Variants in NRXN1 observed in about 807,000 individuals in gnomAD.
The protein encoded by NRXN1 is neurexin 1, also known as neurexin-1.
In NRXN1, 39 loss-of-function variants were observed where a neutral mutation model predicts 150.9. That is an observed-to-expected ratio of 0.26 (90% CI 0.20 to 0.34). The LOEUF (loss-of-function observed/expected upper bound fraction) is 0.34, where lower values mean the gene tolerates loss of function less well. Ranked by LOEUF, NRXN1 falls within the 10% of genes least tolerant of loss-of-function variation. NRXN1 has a pLI of 1.00. For missense variants in NRXN1, 1,815 were observed against 1,949.9 expected (o/e 0.93, Z 1.30); for synonymous variants, 924 against 757.0 (o/e 1.22, Z -3.62).
chr2:50,633,498 G>A (rs921755086), intron 5 of NRXN1, among the ~76,000 whole-genome samples: 5 of 151,420 alleles, frequency 3.3e-5, no homozygotes, highest in African/African-American at 9.7e-5. Context: ...GCTTGACCAA[G>A]GCTTTTTGGT....
In NRXN1 at chr2:51,028,496, C is replaced by G; in HGVS notation, c.-223G>C. The stretch of plus-strand genomic sequence containing the variant: ...CCTCTTCCAACTGGAAAACGTTGAC[C>G]CCAGTGGTACAGGGTAGCCACAGAA... On this transcript the variant is annotated 5_prime_UTR_variant, in exon 2 of 23. Coordinates refer to ENST00000401669, the MANE Select transcript of NRXN1 (RefSeq NM_001330078.2). 1 of 421,496 alleles carries G rather than the reference C, an allele frequency of 2.4e-6. No homozygotes were observed. The highest frequency in any genetic ancestry group is 4.2e-6 in the Non-Finnish European group (1 of 238,880). 26.1% of individuals were successfully genotyped at this position (421,496 alleles called of 1,614,324 possible).
intron 17 of NRXN1, among the ~76,000 whole-genome samples, chr2:50,371,904 T>C (rs146031307): frequency 1.2e-3 from 190 of 152,176 alleles, no homozygotes; most frequent in African/African-American, 4.4e-3. Context: ...TATCTTAAGA[T>C]AATTGATAAC....
chr2:50,154,018 T>G (rs1178190264), intron 18 of NRXN1, among the ~76,000 whole-genome samples: 2 of 151,824 alleles, frequency 1.3e-5, no homozygotes, highest in East Asian at 3.9e-4. Context: ...TAACCATAAT[T>G]TATCATCCAA....
At chr2:50,448,113 G>T (rs2086623755) in intron 17 of NRXN1, among the ~76,000 whole-genome samples, 2 of 151,886 alleles carry the variant, frequency 1.3e-5, no homozygotes, top group Non-Finnish European at 2.9e-5. Flanking sequence ...AGGGGAAGGT[G>T]AAAAATCTAA....
chr2:50,844,202 T>C (rs963529629), intron 5 of NRXN1, among the ~76,000 whole-genome samples: 1 of 152,168 alleles, frequency 6.6e-6, no homozygotes, highest in African/African-American at 2.4e-5. Flanking sequence ...TCCTAGCACA[T>C]AAGTCCTTCC....
chr2:50,059,317 C>T (rs116394631), intron 19 of NRXN1, among the ~76,000 whole-genome samples: 1,805 of 152,288 alleles, frequency 0.012, 44 homozygotes, highest in African/African-American at 0.042. Flanking sequence ...TTTAGAGTAT[C>T]TGGTGAAAGA....
At chr2:49,945,231 A>ATATT (rs1672682866) in intron 21 of NRXN1, 2 of 152,024 alleles carry the variant, frequency 1.3e-5, no homozygotes, top group African/African-American at 4.8e-5. Flanking sequence ...GAAGGTGAAA[A>ATATT]TATTGGTTTG....
At chr2:50,639,522 C>A (rs947523308) in intron 5 of NRXN1, among the ~76,000 whole-genome samples, 1 of 151,826 alleles carries the variant, frequency 6.6e-6, no homozygotes, top group Non-Finnish European at 1.5e-5. Flanking sequence ...TGCCCGGACA[C>A]TTTTCTGCAT....
intron 21 of NRXN1, among the ~76,000 whole-genome samples, chr2:49,957,756 C>T (rs774306572): frequency 6.6e-6 from 1 of 152,090 alleles, no homozygotes; most frequent in African/African-American, 2.4e-5. Flanking sequence ...CCTAAATTGG[C>T]ATGGTCAGGT....
At chr2:50,160,615 A>C (rs987852888) in intron 18 of NRXN1, among the ~76,000 whole-genome samples, 1 of 152,234 alleles carries the variant, frequency 6.6e-6, no homozygotes, top group East Asian at 1.9e-4. Flanking sequence ...ATAATAAGAA[A>C]ATGTGAGTAG....
chr2:50,816,010 G>A (rs558356790), intron 5 of NRXN1, among the ~76,000 whole-genome samples: 9 of 152,142 alleles, frequency 5.9e-5, no homozygotes, highest in South Asian at 2.1e-4. Flanking sequence ...ACCTCAACTC[G>A]TAAACAAACA....
At chr2:50,781,999 C>T (rs542950020) in intron 5 of NRXN1, among the ~76,000 whole-genome samples, 25 of 152,182 alleles carry the variant, frequency 1.6e-4, no homozygotes, top group Non-Finnish European at 3.2e-4. Context: ...TTACTATCAC[C>T]GAAAAATAAG....
At chr2:50,369,898 T>C (rs36062178) in intron 17 of NRXN1, among the ~76,000 whole-genome samples, 33,439 of 151,870 alleles carry the variant, frequency 0.22, 4,153 homozygotes, top group East Asian at 0.43. Context: ...GAGGAGACTG[T>C]AGTGTGAACT....
Position 50,522,047 on chromosome 2 carries a change from A to C in NRXN1, c.2374+6578T>G, listed in dbSNP as rs34299131. On this transcript the variant is annotated intron_variant, in intron 12 of 22. Coordinates refer to ENST00000401669, the MANE Select transcript of NRXN1 (RefSeq NM_001330078.2). ...GACAGAAAGAAAGAGAGAGAGCAGA[A>C]AGGAAGAAAAGGAGGGAGGAAGGCA... Among the ~76,000 whole-genome samples, 701 of 152,300 alleles carry C rather than the reference A, an allele frequency of 4.6e-3. 4 individuals carry two copies. Among genetic ancestry groups the C allele is most frequent in the Non-Finnish European group, 7.3e-3 (494 of 68,026 alleles).
In NRXN1 at chr2:50,806,380, C is replaced by T. The variant is rs1172669690; in HGVS notation, c.832+115489G>A. On this transcript the variant is annotated intron_variant, in intron 5 of 22. Transcript: ENST00000401669. The stretch of plus-strand genomic sequence containing the variant: ...TATATTTCATTATTTTGTTAGTAAA[C>T]CCCATTATAACATATACTTTAACCC... Among the ~76,000 whole-genome samples the T allele has an allele frequency of 3.3e-5, 5 of 152,034 alleles. No individual in the cohort carries two copies. The South Asian group carries it at 8.3e-4, about 25-fold the overall frequency.
chr2:50,451,380 T>C (rs2086949464), intron 17 of NRXN1, among the ~76,000 whole-genome samples: 1 of 152,218 alleles, frequency 6.6e-6, no homozygotes, highest in Admixed American at 6.5e-5. Flanking sequence ...CACAAAACCA[T>C]CATTTTTAAA....
chr2:50,919,178 C>T (rs1184738230), intron 5 of NRXN1: 2 of 151,722 alleles, frequency 1.3e-5, no homozygotes, highest in Non-Finnish European at 2.9e-5. Flanking sequence ...CTCCAGCTGA[C>T]TTCGCCATTT....
chr2:50,873,653 G>C (rs183108686), intron 5 of NRXN1, among the ~76,000 whole-genome samples: 1 of 151,728 alleles, frequency 6.6e-6, no homozygotes, highest in Non-Finnish European at 1.5e-5. Context: ...ATTTTTGGCA[G>C]AATATACAAA....
chr2:50,851,412 C>A (rs1193428528), intron 5 of NRXN1, among the ~76,000 whole-genome samples: 2 of 152,088 alleles, frequency 1.3e-5, no homozygotes, highest in Admixed American at 1.3e-4. Flanking sequence ...TTCATAATTT[C>A]TATTGCTTTA....
Sources: allele counts gnomAD v4.1 joint callset (sites outside exome capture counted in the v4.1 genomes callset), GRCh38; gene constraint gnomAD v4.1.1; transcripts MANE v1.5; gene names NCBI Gene and HGNC (gene_info 2026-07-23, HGNC 2026-07-21).